ZWILCH: variants seen among roughly 807,000 people sequenced by gnomAD.
ZWILCH encodes the protein protein zwilch homolog.
Under a neutral mutation model 79.9 loss-of-function variants are expected in ZWILCH, and 74 were observed. The observed-to-expected ratio is 0.93, with a 90% CI of 0.77 to 1.12. The LOEUF (loss-of-function observed/expected upper bound fraction) is 1.12. Among genes scored for constraint, ZWILCH ranks in the 50% most tolerant of loss-of-function variants. ZWILCH has a pLI of 0.00. For missense variants in ZWILCH, 694 were observed against 687.5 expected, an observed-to-expected ratio of 1.01 and a Z score of -0.11; for synonymous variants, 241 against 228.2, an observed-to-expected ratio of 1.06 and a Z score of -0.51.
intron 10 of ZWILCH, 81 bp downstream of exon 10, chr15:66,527,993 C>G: frequency 8.3e-7 from 1 of 1,197,674 alleles, no homozygotes; most frequent in East Asian, 2.7e-5. Flanking sequence ...CATGTTGTAC[C>G]ATCGCAAATG....
At chr15:66,509,033 G>A (rs1336596054) in intron 2 of ZWILCH, 141 bp downstream of exon 2, 10 of 807,310 alleles carry the variant, frequency 1.2e-5, no homozygotes, top group African/African-American at 1.7e-5. Context: ...TCCGGCTCCC[G>A]GGTTCACGCC....
In ZWILCH at chr15:66,548,513, G is replaced by A; in HGVS notation, c.*189G>A. 2 of 1,608,146 alleles carry A rather than the reference G, an allele frequency of 1.2e-6. No homozygotes were observed. The highest frequency in any genetic ancestry group is 1.7e-6 in the Non-Finnish European group (2 of 1,174,882). On this transcript the variant is annotated 3_prime_UTR_variant, in exon 19 of 19. Transcript: ENST00000307897. ...TCTCAGCTCTGCCTCCTCAGGAGGA[G>A]CATTAGTAGAACAGCAGTGATGAGG...
chr15:66,536,263 G>A (rs1567050732), intron 15 of ZWILCH, among the ~76,000 whole-genome samples, 194 bp downstream of exon 15: 2 of 152,272 alleles, frequency 1.3e-5, no homozygotes, highest in East Asian at 1.9e-4. Context: ...ATTTGACATT[G>A]GCTGCATCAC....
intron 5 of ZWILCH, among the ~76,000 whole-genome samples, chr15:66,519,841 A>C (rs1284539710): frequency 6.6e-6 from 1 of 152,178 alleles, no homozygotes; most frequent in African/African-American, 2.4e-5. Context: ...TCTGTAGCCC[A>C]GGTTAGGGTA....
chr15:66,523,428 C>CCACATAGGTACAATTGTTT (rs1227407972), intron 7 of ZWILCH: 1 of 337,736 alleles, frequency 3.0e-6, no homozygotes, highest in African/African-American at 2.1e-5. Context: ...GGCAGTTGTT[C>CCACATAGGTACAATTGTTT]CACATAGGTA....
At chr15:66,516,549 A>T (rs933519078) in intron 4 of ZWILCH, among the ~76,000 whole-genome samples, 1 of 150,420 alleles carries the variant, frequency 6.6e-6, no homozygotes, top group Non-Finnish European at 1.5e-5. Context: ...CTTGTTGCCC[A>T]AGCTGGAGTG....
chr15:66,536,084 A>G lies in ZWILCH; in HGVS notation c.1478+15A>G, dbSNP rs898672577. The G allele has an allele frequency of 1.3e-6, 2 of 1,580,244 alleles. No homozygotes were observed. Among genetic ancestry groups the G allele is most frequent in the African/African-American group, 1.4e-5 (1 of 73,256 alleles). ...TCTTTAACACAGTAAGTACATCTGTATTCTTCACTTATATAGAAATGTATT... is the reference window on the plus strand; with the variant it reads ...TCTTTAACACAGTAAGTACATCTGTGTTCTTCACTTATATAGAAATGTATT... On this transcript the variant is annotated intron_variant, in intron 15 of 18. Transcript: ENST00000307897.
intron 7 of ZWILCH, among the ~76,000 whole-genome samples, chr15:66,522,876 G>A (rs1247240148): frequency 6.6e-6 from 1 of 152,076 alleles, no homozygotes; most frequent in Non-Finnish European, 1.5e-5. Flanking sequence ...AGGCTGGAGT[G>A]CAGTGGCATA....
intron 5 of ZWILCH, among the ~76,000 whole-genome samples, chr15:66,519,376 A>G (rs774525307): frequency 2.6e-5 from 4 of 152,240 alleles, no homozygotes; most frequent in Non-Finnish European, 5.9e-5. Flanking sequence ...AACTGACAAT[A>G]TGTTTCCAAT....
intron 1 of ZWILCH, chr15:66,505,759 A>C (rs1031322656): frequency 6.7e-6 from 2 of 296,536 alleles, no homozygotes; most frequent in African/African-American, 4.5e-5. Context: ...CTAAGAATGA[A>C]ATGTGGTGTT....
chr15:66,511,851 G>A (rs1402717779), intron 2 of ZWILCH, among the ~76,000 whole-genome samples: 1 of 152,038 alleles, frequency 6.6e-6, no homozygotes, highest in Non-Finnish European at 1.5e-5. Context: ...CTGACCTCAG[G>A]TGATCCGTCT....
chr15:66,538,405 A>G (rs1313523067), intron 16 of ZWILCH, among the ~76,000 whole-genome samples: 3 of 150,222 alleles, frequency 2.0e-5, no homozygotes, highest in Admixed American at 2.0e-4. Flanking sequence ...TTTTTTAGAC[A>G]GAGTTTCGCT....
chr15:66,526,697 C>T (rs1437757479), intron 8 of ZWILCH, among the ~76,000 whole-genome samples: 1 of 152,064 alleles, frequency 6.6e-6, no homozygotes, highest in Non-Finnish European at 1.5e-5. Flanking sequence ...CTCCTGACCT[C>T]ATGATCCACC....
intron 2 of ZWILCH, among the ~76,000 whole-genome samples, chr15:66,510,246 G>C (rs766001350): frequency 7.1e-6 from 1 of 140,436 alleles, no homozygotes; most frequent in Non-Finnish European, 1.6e-5. Context: ...AAAATGCCAG[G>C]TGCAGTAGCT....
intron 1 of ZWILCH, among the ~76,000 whole-genome samples, chr15:66,507,066 T>C (rs1352401421): frequency 1.3e-5 from 2 of 152,170 alleles, no homozygotes; most frequent in Non-Finnish European, 2.9e-5. Context: ...TTTCACCATG[T>C]TGGCCAGGAT....
intron 7 of ZWILCH, among the ~76,000 whole-genome samples, chr15:66,521,702 C>T (rs9745052): frequency 0.016 from 2,416 of 152,086 alleles, 66 homozygotes; most frequent in African/African-American, 0.056. Context: ...CTATGTTTCC[C>T]AAGCTGGTCT....
At chr15:66,536,157 T>C in intron 15 of ZWILCH, 88 bp downstream of exon 15, 2 of 1,204,150 alleles carry the variant, frequency 1.7e-6, no homozygotes, top group Admixed American at 5.7e-5. Flanking sequence ...TTATTACCAG[T>C]TAGGATAGAA....
At chr15:66,526,646 T>C (rs1446415016) in intron 8 of ZWILCH, among the ~76,000 whole-genome samples, 1 of 151,960 alleles carries the variant, frequency 6.6e-6, no homozygotes, top group African/African-American at 2.4e-5. Flanking sequence ...ATTTTTATAG[T>C]AGAGACGGGG....
intron 10 of ZWILCH, among the ~76,000 whole-genome samples, chr15:66,528,417 T>G (rs1407350211): frequency 6.6e-6 from 1 of 152,210 alleles, no homozygotes; most frequent in Non-Finnish European, 1.5e-5. Context: ...CTGATAAATA[T>G]TTTTGAAGAG....
Sources: gnomAD v4.1 joint callset for allele counts (sites outside exome capture counted in the v4.1 genomes callset) on GRCh38, gnomAD v4.1.1 for gene constraint, MANE v1.5 for transcripts, NCBI Gene and HGNC (gene_info 2026-07-23, HGNC 2026-07-21) for gene names.